The following LYPLA1 variants were observed in gnomAD, a reference collection of about 807,000 sequenced individuals.
LYPLA1 encodes the protein acyl-protein thioesterase 1.
LYPLA1 carries 17 observed loss-of-function variants against 34.0 expected under a neutral mutation model. That is an observed-to-expected ratio of 0.50 (90% CI 0.34 to 0.75). The LOEUF is 0.75. Ranked by LOEUF, LYPLA1 falls within the 30% of genes least tolerant of loss-of-function variation. The pLI, the probability that LYPLA1 is intolerant of heterozygous loss-of-function variation, is 0.01. For synonymous variants in LYPLA1, 98 were observed against 100.8 expected (o/e 0.97, Z 0.17); for missense variants, 203 against 288.8 (o/e 0.70, Z 2.15).
At chr8:54,084,137 A>AAAAAAAAAAATTTTT (rs1808520198) in intron 2 of LYPLA1, among the ~76,000 whole-genome samples, 4 of 120,178 alleles carry the variant, frequency 3.3e-5, no homozygotes, top group African/African-American at 1.9e-4. Flanking sequence ...AAAAAAAATA[A>AAAAAAAAAAATTTTT]ATAAATATAT....
At chr8:54,076,886 G>C (rs1807946294) in intron 2 of LYPLA1, among the ~76,000 whole-genome samples, 1 of 151,986 alleles carries the variant, frequency 6.6e-6, no homozygotes, top group Non-Finnish European at 1.5e-5. Flanking sequence ...TCTCTGTTCG[G>C]GGCTCTCAGC....
At chr8:54,074,869 G>C (rs1466035946) in intron 2 of LYPLA1, among the ~76,000 whole-genome samples, 1 of 152,210 alleles carries the variant, frequency 6.6e-6, no homozygotes, top group African/African-American at 2.4e-5. Flanking sequence ...ATGCCAATCA[G>C]GAGAGTCTTC....
At chr8:54,085,403 G>A (rs1381407266) in intron 2 of LYPLA1, among the ~76,000 whole-genome samples, 3 of 152,196 alleles carry the variant, frequency 2.0e-5, no homozygotes, top group Admixed American at 6.5e-5. Flanking sequence ...CTGCACGGCC[G>A]CCACCCCATC....
chr8:54,089,751 G>C (rs1282863795), intron 2 of LYPLA1, among the ~76,000 whole-genome samples: 5 of 151,842 alleles, frequency 3.3e-5, no homozygotes, highest in Non-Finnish European at 5.9e-5. Flanking sequence ...AGCCTCCTAA[G>C]TAGCTGGGAT....
intron 8 of LYPLA1, among the ~76,000 whole-genome samples, chr8:54,050,183 T>G (rs1304097079): frequency 6.6e-6 from 1 of 152,238 alleles, no homozygotes; most frequent in African/African-American, 2.4e-5. Flanking sequence ...TTTGATATTG[T>G]GGGGGCACAT....
Position 54,051,071 on chromosome 8 carries a change from T to C in LYPLA1, c.580A>G (p.Asn194Asp). Residue 194 changes from asparagine (N) to aspartate (D), a missense_variant, in exon 8 of 9, where the codon AAT becomes GAT. Coordinates refer to ENST00000316963, the MANE Select transcript of LYPLA1 (RefSeq NM_006330.4). ...GTTTTAAAGGTCACATTGGCTGGAT[T>C]CACCAATGTTTTTAGTTTTTCCACC... is the stretch of plus-strand genomic sequence containing the variant. Reference protein sequence around the residue: ...LTVEKLKTLVNPANVTFKTYE... With the variant: ...LTVEKLKTLVDPANVTFKTYE... 1 of 1,613,942 alleles carries C rather than the reference T, an allele frequency of 6.2e-7. No homozygotes were observed. Among genetic ancestry groups the C allele is most frequent in the Non-Finnish European group, 8.5e-7 (1 of 1,179,836 alleles).
chr8:54,089,081 G>A (rs1395930189), intron 2 of LYPLA1, among the ~76,000 whole-genome samples: 1 of 152,224 alleles, frequency 6.6e-6, no homozygotes, highest in African/African-American at 2.4e-5. Context: ...GTCTGCAGAT[G>A]AATGTTGGGT....
chr8:54,061,300 C>G (rs553754089), intron 5 of LYPLA1, among the ~76,000 whole-genome samples: 39 of 152,196 alleles, frequency 2.6e-4, no homozygotes, highest in Non-Finnish European at 4.7e-4. Flanking sequence ...AGGCTGGTCT[C>G]GAACTCCTGA....
At chr8:54,096,479 CTG>C (rs1809691967) in intron 2 of LYPLA1, among the ~76,000 whole-genome samples, 3 of 152,186 alleles carry the variant, frequency 2.0e-5, no homozygotes, top group Admixed American at 2.0e-4. Flanking sequence ...TGGCTCACGC[CTG>C]TAATCCCAGC....
At chr8:54,057,352 T>A (rs1003335106) in intron 5 of LYPLA1, among the ~76,000 whole-genome samples, 6 of 152,184 alleles carry the variant, frequency 3.9e-5, no homozygotes, top group African/African-American at 1.4e-4. Flanking sequence ...TGAAGAGATA[T>A]CTGTACTCCC....
chr8:54,053,198 G>A (rs952380839), intron 6 of LYPLA1: 2 of 179,456 alleles, frequency 1.1e-5, no homozygotes, highest in Non-Finnish European at 2.4e-5. Flanking sequence ...GAGTTCAAGC[G>A]ATTCTCCTGC....
At chr8:54,088,319 G>C (rs1361738771) in intron 2 of LYPLA1, among the ~76,000 whole-genome samples, 1 of 152,216 alleles carries the variant, frequency 6.6e-6, no homozygotes, top group Admixed American at 6.5e-5. Flanking sequence ...AATCTTTAAA[G>C]AGGGACCTCT....
At chr8:54,074,260 C>T (rs1807725153) in intron 2 of LYPLA1, among the ~76,000 whole-genome samples, 1 of 152,168 alleles carries the variant, frequency 6.6e-6, no homozygotes, top group African/African-American at 2.4e-5. Flanking sequence ...GGCGACAGAG[C>T]CTTTAATAGT....
chr8:54,098,830 T>C (rs1809888476), intron 2 of LYPLA1, among the ~76,000 whole-genome samples: 1 of 152,198 alleles, frequency 6.6e-6, no homozygotes, highest in Non-Finnish European at 1.5e-5. Context: ...AAGGGGAGAC[T>C]ACAATATCTT....
chr8:54,056,838 G>A (rs1458115580), intron 5 of LYPLA1, among the ~76,000 whole-genome samples: 14 of 152,076 alleles, frequency 9.2e-5, no homozygotes, highest in Non-Finnish European at 7.4e-5. Flanking sequence ...ACTTGAACTC[G>A]GGAGACGGAG....
intron 2 of LYPLA1, among the ~76,000 whole-genome samples, chr8:54,072,424 G>T (rs1277226261): frequency 1.4e-4 from 21 of 152,084 alleles, no homozygotes; most frequent in Admixed American, 1.1e-3. Context: ...CACAGCAAAA[G>T]AAACTATCAA....
At chr8:54,096,324 A>G (rs1226826301) in intron 2 of LYPLA1, among the ~76,000 whole-genome samples, 1 of 152,218 alleles carries the variant, frequency 6.6e-6, no homozygotes, top group Non-Finnish European at 1.5e-5. Flanking sequence ...TCCAGGCATG[A>G]CACAGTGGTT....
chr8:54,048,150 T>C, intron 8 of LYPLA1, 32 bp from the exon 9 acceptor site: 4 of 1,391,614 alleles, frequency 2.9e-6, no homozygotes, highest in Middle Eastern at 1.8e-4. Context: ...AATAGGTAGG[T>C]AGTTATGTAA....
chr8:54,080,875 A>C (rs968960824), intron 2 of LYPLA1, among the ~76,000 whole-genome samples: 4 of 152,366 alleles, frequency 2.6e-5, no homozygotes, highest in South Asian at 2.1e-4. Flanking sequence ...GGCGTAAGCC[A>C]CTGTGCCTGG....
Sources: gnomAD v4.1 joint callset for allele counts (sites outside exome capture counted in the v4.1 genomes callset) on GRCh38, gnomAD v4.1.1 for gene constraint, MANE v1.5 for transcripts, NCBI Gene and HGNC (gene_info 2026-07-23, HGNC 2026-07-21) for gene names.